Variants in PPP1R26 observed in about 807,000 individuals in gnomAD.
The protein encoded by PPP1R26 is 1A6/DRIM (down-regulated in metastasis) interacting protein.
A neutral mutation model predicts 67.6 loss-of-function variants in PPP1R26; 22 were observed. The ratio of observed to expected loss-of-function variants is 0.33; its 90% CI spans 0.23 to 0.46. The LOEUF (loss-of-function observed/expected upper bound fraction) is 0.46, where lower values mean the gene tolerates loss of function less well. Ranked by LOEUF, PPP1R26 falls within the 20% of genes least tolerant of loss-of-function variation. The pLI is 1.00. For synonymous variants in PPP1R26, 729 were observed against 717.2 expected, an observed-to-expected ratio of 1.02 and a Z score of -0.26; for missense variants, 1,602 against 1,651.4, an observed-to-expected ratio of 0.97 and a Z score of 0.52.
chr9:135,487,455 G>A lies in PPP1R26; in HGVS notation c.2945G>A (p.Ser982Asn), dbSNP rs1313357048. ...AAAAGTGCTTTTGGTCAGCTGCCCA[G>A]CTGTGCCACAGCGGGCACCGAGGCA... is the stretch of plus-strand genomic sequence containing the variant. ...AAKSAFGQLP[S>N]CATAGTEAGG... Residue 982 changes from serine to asparagine, a missense_variant, in exon 4 of 4, where the codon AGC becomes AAC. Physicochemically the swap from Ser to Asn is conservative, Grantham distance 46. Transcript: ENST00000356818. The A allele has an allele frequency of 6.2e-7, 1 of 1,610,540 alleles. No individual in the cohort carries two copies. Among genetic ancestry groups the A allele is most frequent in the East Asian group, 2.2e-5 (1 of 44,858 alleles).
chr9:135,487,095 G>GC lies in PPP1R26; in HGVS notation c.2589dup (p.Thr864HisfsTer107). ...AGCAGTTCAGAAGTTCAGGCAGAGGGCCCCACCGCTCTTGGGACAGGGGGC... is the reference window on the plus strand; with the variant it reads ...AGCAGTTCAGAAGTTCAGGCAGAGGGCCCCCACCGCTCTTGGGACAGGGGGC... On this transcript the variant is annotated frameshift_variant, in exon 4 of 4. Transcript: ENST00000356818. LOFTEE classifies it high-confidence loss of function. 1.2e-6 allele frequency: 2 copies of GC among 1,611,540 alleles called. No individual in the cohort carries two copies. Among genetic ancestry groups the GC allele is most frequent in the Non-Finnish European group, 1.7e-6 (2 of 1,179,980 alleles).
chr9:135,479,500 G>C (rs1388620991), upstream of PPP1R26, among the ~76,000 whole-genome samples: 1 of 149,252 alleles, frequency 6.7e-6, no homozygotes, highest in Non-Finnish European at 1.5e-5. This position sits in a 1 kb window ranked among gnomAD's most constrained non-coding sequence, Gnocchi z 5.9. Flanking sequence ...GGCTCGGCCC[G>C]GCCCAAGCGC....
Position 135,485,336 on chromosome 9 carries a change from C to T in PPP1R26, c.826C>T (p.His276Tyr), listed in dbSNP as rs1194509054. ...SHQEPPTKVVHRQGLLGVQKE... is the reference protein window; with the variant it reads ...SHQEPPTKVVYRQGLLGVQKE... ...CCAAGAGCCGCCTACAAAGGTGGTGCATCGGCAGGGCCTGCTGGGCGTCCA... is the reference window on the plus strand; with the variant it reads ...CCAAGAGCCGCCTACAAAGGTGGTGTATCGGCAGGGCCTGCTGGGCGTCCA... Residue 276 changes from histidine to tyrosine, a missense_variant, in exon 4 of 4, where the codon CAT becomes TAT. Around this residue, in one of 5 missense-constraint regions of PPP1R26, gnomAD observed 680 missense variants for 726.1 expected, o/e 0.94. Transcript: ENST00000356818. The surrounding 1 kb of genome is among the most constrained non-coding windows in gnomAD (Gnocchi z 7.2). The T allele has an allele frequency of 3.1e-6, 5 of 1,613,018 alleles. No individual in the cohort carries two copies. The highest frequency in any genetic ancestry group is 1.3e-5 in the African/African-American group (1 of 75,054).
At chr9:135,482,874 C>T in intron 2 of PPP1R26, 59 bp downstream of exon 2, 1 of 397,170 alleles carries the variant, frequency 2.5e-6, no homozygotes, top group South Asian at 1.3e-4. Flanking sequence ...TTGGTGCTAG[C>T]AAATGACTTA....
intron 1 of PPP1R26, among the ~76,000 whole-genome samples, chr9:135,481,499 C>T (rs1032449101): frequency 1.3e-5 from 2 of 151,912 alleles, no homozygotes; most frequent in Admixed American, 1.3e-4. Flanking sequence ...CCTCCACCTC[C>T]CAGAGTGCTG....
At chr9:135,479,145 C>G (rs1215964628), upstream of PPP1R26, 3 of 152,260 alleles carry the variant, frequency 2.0e-5, no homozygotes, top group Non-Finnish European at 2.9e-5. The surrounding 1 kb of genome is among the most constrained non-coding windows in gnomAD (Gnocchi z 5.9). Context: ...GTTCCCTCCC[C>G]CGAACCTGGC....
chr9:135,488,379 G>C lies in PPP1R26; in HGVS notation c.*239G>C, dbSNP rs1474389845. The C allele has an allele frequency of 1.4e-6, 1 of 706,750 alleles. No homozygotes were observed. Among genetic ancestry groups the C allele is most frequent in the African/African-American group, 1.9e-5 (1 of 53,810 alleles). 43.8% of individuals were successfully genotyped at this position (706,750 alleles called of 1,614,324 possible). ...GTAAAAGATATTTTTGGAAAATACT[G>C]TTGTTCAATTTTGTAGGGTGTTCCT... On this transcript the variant is annotated 3_prime_UTR_variant, in exon 4 of 4. Transcript: ENST00000356818.
At position 135,487,482 on chromosome 9, in the gene PPP1R26, G is replaced by C; in HGVS notation, c.2972G>C (p.Gly991Ala). 6.2e-7 allele frequency: 1 copy of C among 1,610,496 alleles called. No individual in the cohort carries two copies. Among genetic ancestry groups the C allele is most frequent in the Non-Finnish European group, 8.5e-7 (1 of 1,179,654 alleles). Residue 991 changes from glycine to alanine, a missense_variant, in exon 4 of 4, where the codon GGA (glycine) becomes GCA (alanine). Around this residue, in one of 5 missense-constraint regions of PPP1R26, gnomAD observed 740 missense variants for 696.3 expected, o/e 1.06. Transcript: ENST00000356818. ...PSCATAGTEA[G>A]GARGTFHMGC... is the part of the protein sequence containing the mutation. Reference sequence around the variant, plus strand: ...TGTGCCACAGCGGGCACCGAGGCAGGAGGCGCCAGAGGAACCTTTCACATG... The same window carrying C: ...TGTGCCACAGCGGGCACCGAGGCAGCAGGCGCCAGAGGAACCTTTCACATG...
In PPP1R26 at chr9:135,488,194, G is replaced by A. The variant is rs955879802; in HGVS notation, c.*54G>A. 9.9e-5 allele frequency: 146 copies of A among 1,479,272 alleles called. 1 individual carries two copies. Among genetic ancestry groups the A allele is most frequent in the Non-Finnish European group, 1.2e-4 (130 of 1,117,530 alleles). The allele number at this position is 1,479,272 out of a possible 1,614,324, so 91.6% of individuals were successfully genotyped here. On this transcript the variant is annotated 3_prime_UTR_variant, in exon 4 of 4. Coordinates refer to ENST00000356818, the MANE Select transcript of PPP1R26 (RefSeq NM_014811.5). ...GTTGCGTGCATTCGTGGAAAGCGGC[G>A]TAGCCGTGCGTGTGTGTGATGGTTC...
Position 135,485,293 on chromosome 9 carries a change from G to C in PPP1R26, c.783G>C (p.Lys261Asn). Reference sequence around the variant, plus strand: ...CAGACACAAATGAAAATTCCGCCAAGTCACTCTTGAAATCCCACCAAGAGC... The same window carrying C: ...CAGACACAAATGAAAATTCCGCCAACTCACTCTTGAAATCCCACCAAGAGC... ...KKPDTNENSA[K>N]SLLKSHQEPP... Residue 261 changes from lysine (K) to asparagine (N), a missense_variant, in exon 4 of 4, where the codon AAG (lysine) becomes AAC (asparagine). Coordinates refer to ENST00000356818, the MANE Select transcript of PPP1R26 (RefSeq NM_014811.5). This position sits in a 1 kb window ranked among gnomAD's most constrained non-coding sequence, Gnocchi z 7.2. 6.2e-7 allele frequency: 1 copy of C among 1,613,070 alleles called. No individual in the cohort carries two copies. Among genetic ancestry groups the C allele is most frequent in the Non-Finnish European group, 8.5e-7 (1 of 1,180,016 alleles).
chr9:135,486,897 T>G lies in PPP1R26; in HGVS notation c.2387T>G (p.Val796Gly), dbSNP rs1191858413. ...ASQDAALAFR[V>G]RRPASASASE... ...CAGGACGCGGCCCTGGCCTTCCGGG[T>G]GAGGAGACCCGCCTCCGCCTCTGCC... Residue 796 changes from valine to glycine, a missense_variant, in exon 4 of 4, where the codon GTG becomes GGG. Val to Gly is a moderately radical substitution (Grantham distance 109). Around this residue, in one of 5 missense-constraint regions of PPP1R26, gnomAD observed 740 missense variants for 696.3 expected, o/e 1.06. Transcript: ENST00000356818. This position sits in a 1 kb window ranked among gnomAD's most constrained non-coding sequence, Gnocchi z 6.2. The G allele has an allele frequency of 6.2e-7, 1 of 1,612,414 alleles. No homozygotes were observed. Among genetic ancestry groups the G allele is most frequent in the African/African-American group, 1.3e-5 (1 of 74,868 alleles).
In PPP1R26 at chr9:135,486,639, G is replaced by C. The variant is rs1200081244; in HGVS notation, c.2129G>C (p.Arg710Thr). ...AGGTCCAAGCGAAAGCTCAAGAAGA[G>C]GTGCAGGGAGCCCAGGGCTGCGTGC... The part of the protein sequence containing the change: ...LLRSKRKLKK[R>T]CREPRAACRK... Residue 710 changes from arginine to threonine, a missense_variant, in exon 4 of 4, where the codon AGG becomes ACG. Arg to Thr is a moderately conservative substitution (Grantham distance 71, BLOSUM62 -1). Coordinates refer to ENST00000356818, the MANE Select transcript of PPP1R26 (RefSeq NM_014811.5). This position sits in a 1 kb window ranked among gnomAD's most constrained non-coding sequence, Gnocchi z 6.2. The C allele has an allele frequency of 6.2e-7, 1 of 1,611,952 alleles. No individual in the cohort carries two copies. Among genetic ancestry groups the C allele is most frequent in the South Asian group, 1.1e-5 (1 of 90,994 alleles).
In PPP1R26 at chr9:135,485,930, C is replaced by T. The variant is rs759775541; in HGVS notation, c.1420C>T (p.Arg474Trp). Residue 474 changes from arginine to tryptophan, a missense_variant, in exon 4 of 4, where the codon CGG becomes TGG. Coordinates refer to ENST00000356818, the MANE Select transcript of PPP1R26 (RefSeq NM_014811.5). The surrounding 1 kb of genome is among the most constrained non-coding windows in gnomAD (Gnocchi z 7.2). The part of the protein sequence containing the change: ...RSEFVERSSC[R>W]ADTSAELMCA... Reference sequence around the variant, plus strand: ...TGAGTTTGTGGAACGGTCCTCGTGCCGGGCGGACACATCTGCTGAGCTGAT... The same window carrying T: ...TGAGTTTGTGGAACGGTCCTCGTGCTGGGCGGACACATCTGCTGAGCTGAT... 25 of 1,613,492 alleles carry T rather than the reference C, an allele frequency of 1.5e-5. No homozygotes were observed. In the Admixed American group the frequency reaches 2.0e-4, roughly 13 times the overall value.
chr9:135,485,606 G>A lies in PPP1R26; in HGVS notation c.1096G>A (p.Asp366Asn), dbSNP rs1418181978. 4 of 1,613,108 alleles carry A rather than the reference G, an allele frequency of 2.5e-6. No individual in the cohort carries two copies. The highest frequency in any genetic ancestry group is 3.4e-6 in the Non-Finnish European group (4 of 1,180,008). ...CGAGGCGTCCGACTCCAGCAGCGAC[G>A]ATGGCATTGAGGAGGCCATCCAGCT... ...ASEASDSSSD[D>N]GIEEAIQLYQ... The change falls in exon 4 of 4, where the codon GAT becomes AAT. Residue 366 changes from aspartate (D) to asparagine (N), a missense_variant. Physicochemically the swap from Asp to Asn is conservative, Grantham distance 23. This residue lies in a region of PPP1R26 where 680 missense variants were observed against 726.1 expected (regional missense o/e 0.94). Transcript: ENST00000356818. This position sits in a 1 kb window ranked among gnomAD's most constrained non-coding sequence, Gnocchi z 7.2.
In PPP1R26 at chr9:135,487,360, G is replaced by T. The variant is rs1420040088; in HGVS notation, c.2850G>T (p.Gly950=). ...CCAGCGGCGGTGTCTCCGCCAAGGG[G>T]CTCTCAGTGAGCAGGAGAAATGTTT... is the stretch of plus-strand genomic sequence containing the variant. ...RSTSGGVSAK[G]LSVSRRNVYV... Residue 950 remains glycine (G), a synonymous_variant, in exon 4 of 4, where the codon GGG becomes GGT. Transcript: ENST00000356818. The T allele has an allele frequency of 3.2e-6, 5 of 1,557,530 alleles. No individual in the cohort carries two copies. The highest frequency in any genetic ancestry group is 4.3e-6 in the Non-Finnish European group (5 of 1,153,000).
At position 135,486,320 on chromosome 9, in the gene PPP1R26, C is replaced by G. The variant is rs1260073120; in HGVS notation, c.1810C>G (p.Pro604Ala). The G allele has an allele frequency of 6.2e-7, 1 of 1,613,020 alleles. No homozygotes were observed. Among genetic ancestry groups the G allele is most frequent in the Admixed American group, 1.7e-5 (1 of 60,022 alleles). The stretch of plus-strand genomic sequence containing the variant: ...GCGTAGAGGTGGTGGCCATGTGAGG[C>G]CATCCACGCCCAAGAAAATGCAGGA... Reference protein sequence around the residue: ...RKRRGGGHVRPSTPKKMQEVV... With the variant: ...RKRRGGGHVRASTPKKMQEVV... Residue 604 changes from proline (P) to alanine (A), a missense_variant, in exon 4 of 4, where the codon CCA (proline) becomes GCA (alanine). Physicochemically the swap from Pro to Ala is conservative, Grantham distance 27. Transcript: ENST00000356818. The surrounding 1 kb of genome is among the most constrained non-coding windows in gnomAD (Gnocchi z 6.2).
Position 135,486,467 on chromosome 9 carries a change from G to T in PPP1R26, c.1957G>T (p.Ala653Ser), listed in dbSNP as rs752653588. Residue 653 changes from alanine (A) to serine (S), a missense_variant, in exon 4 of 4, where the codon GCC becomes TCC. Around this residue, in one of 5 missense-constraint regions of PPP1R26, gnomAD observed 680 missense variants for 726.1 expected, o/e 0.94. Coordinates refer to ENST00000356818, the MANE Select transcript of PPP1R26 (RefSeq NM_014811.5). This position sits in a 1 kb window ranked among gnomAD's most constrained non-coding sequence, Gnocchi z 6.2. Reference sequence around the variant, plus strand: ...TGAGGCCCTGGGAGGGGAGGGCACCGCCAGGGGCCCTGGCGACACTCGCAT... The same window carrying T: ...TGAGGCCCTGGGAGGGGAGGGCACCTCCAGGGGCCCTGGCGACACTCGCAT... ...ASEALGGEGT[A>S]RGPGDTRMSQ... is the part of the protein sequence containing the mutation. 5.0e-6 allele frequency: 8 copies of T among 1,612,920 alleles called. No homozygotes were observed. Among genetic ancestry groups the T allele is most frequent in the Admixed American group, 1.7e-5 (1 of 59,952 alleles).
chr9:135,486,642 G>A lies in PPP1R26; in HGVS notation c.2132G>A (p.Cys711Tyr). The part of the protein sequence containing the change: ...LRSKRKLKKR[C>Y]REPRAACRKK... ...TCCAAGCGAAAGCTCAAGAAGAGGT[G>A]CAGGGAGCCCAGGGCTGCGTGCAGG... Residue 711 changes from cysteine to tyrosine, a missense_variant, in exon 4 of 4, where the codon TGC becomes TAC. Around this residue, in one of 5 missense-constraint regions of PPP1R26, gnomAD observed 740 missense variants for 696.3 expected, o/e 1.06. Coordinates refer to ENST00000356818, the MANE Select transcript of PPP1R26 (RefSeq NM_014811.5). The surrounding 1 kb of genome is among the most constrained non-coding windows in gnomAD (Gnocchi z 6.2). 2 of 1,611,826 alleles carry A rather than the reference G, an allele frequency of 1.2e-6. No individual in the cohort carries two copies. The highest frequency in any genetic ancestry group is 8.5e-7 in the Non-Finnish European group (1 of 1,179,636).
intron 1 of PPP1R26, among the ~76,000 whole-genome samples, chr9:135,481,186 C>G (rs11536845): frequency 0.27 from 41,206 of 150,916 alleles, 6,547 homozygotes; most frequent in East Asian, 0.65. Flanking sequence ...GCCTGCACCT[C>G]TGGCTTGGGC....
Sources: allele counts gnomAD v4.1 joint callset (sites outside exome capture counted in the v4.1 genomes callset), GRCh38; gene constraint gnomAD v4.1.1; regional missense constraint gnomAD v4.1.1; non-coding constraint Gnocchi (gnomAD v3.1); transcripts MANE v1.5; gene names NCBI Gene and HGNC (gene_info 2026-07-23, HGNC 2026-07-21).